LONP2: variants seen among roughly 807,000 people sequenced by gnomAD.
The protein encoded by LONP2 is lon peptidase 2, peroxisomal.
LONP2 carries 60 observed loss-of-function variants against 85.6 expected under a neutral mutation model. That is an observed-to-expected ratio of 0.70 (90% CI 0.57 to 0.87). The LOEUF (loss-of-function observed/expected upper bound fraction) is 0.87. Among genes scored for constraint, LONP2 ranks in the 40% least tolerant of loss-of-function variants. The pLI is 0.00. For synonymous variants in LONP2, 395 were observed against 389.7 expected, an observed-to-expected ratio of 1.01 and a Z score of -0.16; for missense variants, 860 against 1,063.5, an observed-to-expected ratio of 0.81 and a Z score of 2.66.
chr16:48,324,029 A>C (rs1371180535), intron 11 of LONP2, among the ~76,000 whole-genome samples: 3 of 152,224 alleles, frequency 2.0e-5, no homozygotes, highest in Admixed American at 2.0e-4. Flanking sequence ...TGTTTTGGAA[A>C]AGATTAACCT....
intron 11 of LONP2, among the ~76,000 whole-genome samples, chr16:48,315,683 CT>C (rs1210499174): frequency 6.6e-6 from 1 of 152,094 alleles, no homozygotes; most frequent in African/African-American, 2.4e-5. Flanking sequence ...ATAGCACTGA[CT>C]TTCTTGAATT....
rs192312467 is a variant in LONP2 at position 48,255,777 on chromosome 16, G to T, written c.469-833G>T. Among the ~76,000 whole-genome samples the T allele has an allele frequency of 2.0e-5, 3 of 152,144 alleles. No individual in the cohort carries two copies. In the East Asian group the frequency reaches 5.8e-4, roughly 29 times the overall value. ...TATAAATGATAGTTCCCCTGCACAC[G>T]CTGTCTTGCCTGCTACCATGTAAGA... On this transcript the variant is annotated intron_variant, in intron 2 of 14. Transcript: ENST00000285737.
intron 11 of LONP2, among the ~76,000 whole-genome samples, chr16:48,317,525 A>G (rs1973171547): frequency 1.3e-5 from 2 of 152,252 alleles, no homozygotes; most frequent in South Asian, 2.1e-4. Context: ...TTCTACCTAT[A>G]TAATTGACTA....
At chr16:48,351,022 C>T (rs569908245) in intron 14 of LONP2, among the ~76,000 whole-genome samples, 69 of 152,284 alleles carry the variant, frequency 4.5e-4, no homozygotes, top group African/African-American at 1.6e-3. Flanking sequence ...CCACCACACT[C>T]TGTTTCTTAC....
chr16:48,362,544 C>T lies in LONP2; in HGVS notation c.*681C>T, dbSNP rs1485864791. Reference sequence around the variant, plus strand: ...AAAGTTTCATACAAAATTTACTGAGCAAAAGAGGAAGAAAAATAGGATTAA... The same window carrying T: ...AAAGTTTCATACAAAATTTACTGAGTAAAAGAGGAAGAAAAATAGGATTAA... On this transcript the variant is annotated 3_prime_UTR_variant, in exon 5 of 5. Transcript: ENST00000565867. The surrounding 1 kb of genome is among the most constrained non-coding windows in gnomAD (Gnocchi z 4.2). 9.7e-7 allele frequency: 1 copy of T among 1,032,162 alleles called. No individual in the cohort carries two copies. Among genetic ancestry groups the T allele is most frequent in the Non-Finnish European group, 1.4e-6 (1 of 708,208 alleles). 63.9% of individuals were successfully genotyped at this position (1,032,162 alleles called of 1,614,324 possible).
At chr16:48,258,264 G>A (rs1438927410) in intron 3 of LONP2, among the ~76,000 whole-genome samples, 1 of 151,360 alleles carries the variant, frequency 6.6e-6, no homozygotes, top group Non-Finnish European at 1.5e-5. Context: ...GGAGAATGAC[G>A]TGAACCCAGG....
intron 8 of LONP2, among the ~76,000 whole-genome samples, chr16:48,283,225 T>G (rs1972367310): frequency 6.6e-6 from 1 of 152,250 alleles, no homozygotes; most frequent in Non-Finnish European, 1.5e-5. Context: ...AAGCAGCAAG[T>G]ACTGATGTAT....
chr16:48,330,934 ACACTT>A (rs891287149), intron 11 of LONP2, among the ~76,000 whole-genome samples: 44 of 152,206 alleles, frequency 2.9e-4, no homozygotes, highest in African/African-American at 1.0e-3. Context: ...ACCCCGTACT[ACACTT>A]GGAAAAGGAT....
intron 8 of LONP2, among the ~76,000 whole-genome samples, chr16:48,285,201 C>T (rs1334210934): frequency 1.3e-5 from 2 of 151,916 alleles, no homozygotes; most frequent in African/African-American, 4.8e-5. Context: ...TGCTGTGAAG[C>T]CAGCTGTTAA....
intron 11 of LONP2, among the ~76,000 whole-genome samples, chr16:48,310,140 C>T (rs1972999480): frequency 6.6e-6 from 1 of 151,450 alleles, no homozygotes; most frequent in Non-Finnish European, 1.5e-5. Flanking sequence ...TTTTGGTTTC[C>T]TTTTGCATGG....
rs570117817 is a variant in LONP2 at position 48,295,178 on chromosome 16, C to T, written c.1384-837C>T. ...CTTGAGGTCAAGAATTTGAGACCAG[C>T]CTGGCCAACATGGTGAAACCCCATC... On this transcript the variant is annotated intron_variant, in intron 8 of 14. Transcript: ENST00000285737. Among the ~76,000 whole-genome samples, 4 of 152,152 alleles carry T rather than the reference C, an allele frequency of 2.6e-5. No individual in the cohort carries two copies. The South Asian group carries it at 8.3e-4, about 32-fold the overall frequency.
chr16:48,308,887 T>A (rs1322252455), intron 11 of LONP2, among the ~76,000 whole-genome samples: 2 of 151,902 alleles, frequency 1.3e-5, no homozygotes, highest in African/African-American at 4.8e-5. Flanking sequence ...GCAAAAATAT[T>A]TGCAAAATAC....
intron 11 of LONP2, among the ~76,000 whole-genome samples, chr16:48,307,310 G>A (rs1258607031): frequency 6.6e-6 from 1 of 152,182 alleles, no homozygotes; most frequent in Non-Finnish European, 1.5e-5. Flanking sequence ...CCTTTCTAGG[G>A]TATTTGTTGG....
intron 12 of LONP2, among the ~76,000 whole-genome samples, chr16:48,340,810 C>T (rs977109398): frequency 2.6e-5 from 4 of 151,764 alleles, no homozygotes; most frequent in Admixed American, 1.3e-4. Context: ...AAATATTACC[C>T]GGAAGGCTGA....
At chr16:48,273,233 TC>T in intron 7 of LONP2, among the ~76,000 whole-genome samples, 4 of 152,302 alleles carry the variant, frequency 2.6e-5, no homozygotes, top group East Asian at 3.9e-4. Context: ...CCACTCACTC[TC>T]CCTGTTTTCC....
intron 4 of LONP2, among the ~76,000 whole-genome samples, chr16:48,259,403 TATG>T (rs1440501340): frequency 6.6e-6 from 1 of 152,248 alleles, no homozygotes; most frequent in African/African-American, 2.4e-5. Context: ...CATTTATATG[TATG>T]ATGGGATCTG....
At chr16:48,306,254 A>C (rs574072294) in intron 11 of LONP2, among the ~76,000 whole-genome samples, 1 of 152,256 alleles carries the variant, frequency 6.6e-6, no homozygotes, top group Non-Finnish European at 1.5e-5. Context: ...TAATAAATTC[A>C]GAGGAATTCA....
At chr16:48,358,436 A>G (rs1960455481), downstream of LONP2, among the ~76,000 whole-genome samples, 2 of 152,204 alleles carry the variant, frequency 1.3e-5, no homozygotes, top group South Asian at 2.1e-4. Flanking sequence ...TTATTTTTCC[A>G]AGATTATTAA....
chr16:48,297,593 A>G (rs1420017664), intron 9 of LONP2, among the ~76,000 whole-genome samples: 1 of 152,102 alleles, frequency 6.6e-6, no homozygotes. Flanking sequence ...ACAGGCGTGA[A>G]CCGCCACACT....
Sources: allele counts gnomAD v4.1 joint callset (sites outside exome capture counted in the v4.1 genomes callset), GRCh38; gene constraint gnomAD v4.1.1; non-coding constraint Gnocchi (gnomAD v3.1); transcripts MANE v1.5; gene names NCBI Gene and HGNC (gene_info 2026-07-23, HGNC 2026-07-21).